The following NFIA variants were observed in gnomAD, a reference collection of about 807,000 sequenced individuals.
NFIA encodes the protein nuclear factor 1 A-type.
In NFIA, 8 loss-of-function variants were observed where a neutral mutation model predicts 62.8. The observed-to-expected ratio is 0.13, with a 90% CI of 0.07 to 0.23. NFIA has a LOEUF of 0.23. Among genes scored for constraint, NFIA ranks in the 10% least tolerant of loss-of-function variants. The pLI is 1.00. For missense variants in NFIA, 410 were observed against 642.1 expected, an observed-to-expected ratio of 0.64 and a Z score of 3.91; for synonymous variants, 235 against 238.1, an observed-to-expected ratio of 0.99 and a Z score of 0.12.
intron 2 of NFIA, among the ~76,000 whole-genome samples, chr1:61,168,293 T>G (rs2100545644): frequency 6.6e-6 from 1 of 152,316 alleles, no homozygotes; most frequent in South Asian, 2.1e-4. Context: ...TTTACATTAT[T>G]TTTCTAAAGC....
intron 2 of NFIA, among the ~76,000 whole-genome samples, chr1:61,106,983 C>G (rs1435765666): frequency 6.6e-6 from 1 of 151,360 alleles, no homozygotes; most frequent in East Asian, 1.9e-4. Flanking sequence ...TATACACACA[C>G]ACTTCTGGGA....
intron 2 of NFIA, among the ~76,000 whole-genome samples, chr1:61,184,234 C>T (rs1163711092): frequency 6.6e-6 from 1 of 151,908 alleles, no homozygotes; most frequent in African/African-American, 2.4e-5. Context: ...TGGGTTCAGG[C>T]CGCCATTTTA....
At chr1:61,175,016 T>A (rs11207705) in intron 2 of NFIA, among the ~76,000 whole-genome samples, 32,560 of 151,930 alleles carry the variant, frequency 0.21, 4,112 homozygotes, top group African/African-American at 0.33. Flanking sequence ...TGCCAGTGTA[T>A]AGGATTTAAA....
chr1:61,323,104 T>C (rs768836465), intron 3 of NFIA, among the ~76,000 whole-genome samples: 14 of 152,208 alleles, frequency 9.2e-5, no homozygotes, highest in Non-Finnish European at 1.5e-4. Flanking sequence ...CCATGACACA[T>C]ACTTCTCAAA....
At chr1:61,420,954 G>A (rs1019434764) in intron 9 of NFIA, among the ~76,000 whole-genome samples, 5 of 152,070 alleles carry the variant, frequency 3.3e-5, no homozygotes, top group South Asian at 4.1e-4. Flanking sequence ...ATGGCAAAAC[G>A]TAATTTGCAA....
chr1:61,282,395 T>G (rs922903184), intron 3 of NFIA, among the ~76,000 whole-genome samples: 1 of 152,216 alleles, frequency 6.6e-6, no homozygotes, highest in African/African-American at 2.4e-5. Flanking sequence ...GAACATCGAT[T>G]TAAACAACTT....
chr1:61,347,580 C>T (rs1662309072), intron 4 of NFIA, among the ~76,000 whole-genome samples: 1 of 152,160 alleles, frequency 6.6e-6, no homozygotes, highest in Non-Finnish European at 1.5e-5. Context: ...GAAGGCTCAG[C>T]TTAAGTGCCC....
chr1:61,224,213 T>G (rs1164229471), intron 2 of NFIA, among the ~76,000 whole-genome samples: 1 of 152,248 alleles, frequency 6.6e-6, no homozygotes, highest in Admixed American at 6.5e-5. Context: ...ACTTTTCAAT[T>G]TAATTTTAAA....
chr1:61,140,974 T>TG (rs1647471070), intron 2 of NFIA, among the ~76,000 whole-genome samples: 1 of 148,264 alleles, frequency 6.7e-6, no homozygotes, highest in African/African-American at 2.5e-5. Context: ...GGTTTTTTTT[T>TG]TTTTTTTTTT....
intron 2 of NFIA, among the ~76,000 whole-genome samples, chr1:61,143,313 ATTAAG>A (rs1166900705): frequency 5.9e-5 from 9 of 152,192 alleles, no homozygotes; most frequent in Non-Finnish European, 1.2e-4. Flanking sequence ...TATGTTTGTG[ATTAAG>A]TTAATCATAG....
At chr1:61,235,839 GAA>G (rs1418536577) in intron 2 of NFIA, among the ~76,000 whole-genome samples, 1 of 151,018 alleles carries the variant, frequency 6.6e-6, no homozygotes, top group Admixed American at 6.6e-5. Flanking sequence ...AAAAGAAAAA[GAA>G]AGAGACAAAA....
At chr1:61,122,237 G>A (rs1355248962) in intron 2 of NFIA, among the ~76,000 whole-genome samples, 2 of 152,142 alleles carry the variant, frequency 1.3e-5, no homozygotes, top group African/African-American at 4.8e-5. Flanking sequence ...GCTTGTGTAT[G>A]CCTTTTAGTC....
chr1:61,134,185 T>C (rs1647134057), intron 2 of NFIA, among the ~76,000 whole-genome samples: 1 of 151,926 alleles, frequency 6.6e-6, no homozygotes, highest in South Asian at 2.1e-4. Flanking sequence ...GATTAAATGA[T>C]ATCTGAGGGA....
At chr1:61,141,095 T>C (rs993424486) in intron 2 of NFIA, among the ~76,000 whole-genome samples, 9 of 151,068 alleles carry the variant, frequency 6.0e-5, no homozygotes, top group African/African-American at 1.9e-4. Flanking sequence ...AGAAGGCATG[T>C]CTGTAAAATT....
intron 10 of NFIA, among the ~76,000 whole-genome samples, chr1:61,450,169 C>G (rs1236576671): frequency 1.3e-5 from 2 of 152,200 alleles, no homozygotes; most frequent in Non-Finnish European, 2.9e-5. Context: ...CTATATTTTA[C>G]TCATTATATC....
intron 2 of NFIA, among the ~76,000 whole-genome samples, chr1:61,259,537 A>C (rs1656626438): frequency 1.3e-5 from 2 of 152,352 alleles, no homozygotes; most frequent in South Asian, 4.1e-4. Context: ...CTCAGTAACC[A>C]GGGTGTAGGG....
chr1:61,404,389 A>G, intron 8 of NFIA, 107 bp downstream of exon 8: 2 of 1,144,730 alleles, frequency 1.7e-6, no homozygotes, highest in Non-Finnish European at 1.2e-6. Context: ...TGTTGTGCTG[A>G]CTGACTGCAG....
chr1:61,433,452 TTC>T (rs1667192373), intron 10 of NFIA, among the ~76,000 whole-genome samples: 1 of 151,410 alleles, frequency 6.6e-6, no homozygotes, highest in Admixed American at 6.6e-5. Context: ...TGTTGTTGGT[TTC>T]TTTTTTTTTT....
At chr1:61,365,171 A>C (rs964837477) in intron 6 of NFIA, among the ~76,000 whole-genome samples, 2 of 152,226 alleles carry the variant, frequency 1.3e-5, no homozygotes, top group African/African-American at 4.8e-5. Context: ...TGAGCAACAG[A>C]GTGAGACCCT....
Sources: allele counts gnomAD v4.1 joint callset (sites outside exome capture counted in the v4.1 genomes callset), GRCh38; gene constraint gnomAD v4.1.1; transcripts MANE v1.5; gene names NCBI Gene and HGNC (gene_info 2026-07-23, HGNC 2026-07-21).